Variants in IFNGR2 observed in about 807,000 individuals in gnomAD.
The protein encoded by IFNGR2 is interferon gamma receptor 2.
In IFNGR2, 15 loss-of-function variants were observed where a neutral mutation model predicts 41.1. The observed-to-expected ratio is 0.37, with a 90% CI of 0.24 to 0.56. IFNGR2 has a LOEUF of 0.56. IFNGR2 is among the 20% of genes least tolerant of loss of function. IFNGR2 has a pLI of 0.81. For synonymous variants in IFNGR2, 161 were observed against 171.6 expected (o/e 0.94, Z 0.48); for missense variants, 362 against 415.7 (o/e 0.87, Z 1.12).
chr21:33,424,042 T>C (rs1426927816), intron 3 of IFNGR2, among the ~76,000 whole-genome samples: 1 of 152,092 alleles, frequency 6.6e-6, no homozygotes, highest in Non-Finnish European at 1.5e-5. Context: ...GGCTCACCCC[T>C]GCAATCCCAG....
intron 1 of IFNGR2, among the ~76,000 whole-genome samples, chr21:33,410,166 A>ATTT (rs373991238): frequency 2.1e-4 from 29 of 137,180 alleles, no homozygotes; most frequent in African/African-American, 7.6e-4. Context: ...AATTACAATA[A>ATTT]TTTTTTTTTT....
In IFNGR2 at chr21:33,424,411, C is replaced by T. The variant is rs8128596; in HGVS notation, c.413-2473C>T. Reference sequence around the variant, plus strand: ...TCCGGTGCCAGCCAGCTGCCGCTTCCGGCCGGAGTCAAGCACCCATGTTTC... The same window carrying T: ...TCCGGTGCCAGCCAGCTGCCGCTTCTGGCCGGAGTCAAGCACCCATGTTTC... On this transcript the variant is annotated intron_variant, in intron 3 of 6. Coordinates refer to ENST00000290219, the MANE Select transcript of IFNGR2 (RefSeq NM_005534.4). 1.4e-3 allele frequency among the ~76,000 whole-genome samples: 214 copies of T among 152,290 alleles called. 1 individual carries two copies. The highest frequency in any genetic ancestry group is 4.8e-3 in the African/African-American group (201 of 41,570).
At chr21:33,409,192 G>C (rs1164454727) in intron 1 of IFNGR2, among the ~76,000 whole-genome samples, 1 of 151,272 alleles carries the variant, frequency 6.6e-6, no homozygotes, top group Non-Finnish European at 1.5e-5. Flanking sequence ...AAAGAGGCCG[G>C]GCTCAGTGGC....
intron 1 of IFNGR2, among the ~76,000 whole-genome samples, chr21:33,414,200 TG>T (rs1568952527): frequency 6.6e-6 from 1 of 152,146 alleles, no homozygotes; most frequent in Non-Finnish European, 1.5e-5. Context: ...GCAGATTTCC[TG>T]GGGGCCTCAG....
In IFNGR2 at chr21:33,416,983, C is replaced by T. The variant is rs182801159; in HGVS notation, c.206+1963C>T. On this transcript the variant is annotated intron_variant, in intron 2 of 6. Coordinates refer to ENST00000290219, the MANE Select transcript of IFNGR2 (RefSeq NM_005534.4). ...TCACCCAGGCTGAAATGCAGTGGCA[C>T]GATCTTGGCTCACTGGACCTCCGCC... is the stretch of plus-strand genomic sequence containing the variant. Among the ~76,000 whole-genome samples, 54 of 147,410 alleles carry T rather than the reference C, an allele frequency of 3.7e-4. 1 individual carries two copies. The East Asian group carries it at 9.8e-3, about 27-fold the overall frequency.
intron 1 of IFNGR2, 49 bp from the exon 2 acceptor site, chr21:33,414,839 C>CCT (rs756067269): frequency 3.8e-5 from 59 of 1,553,792 alleles, no homozygotes; most frequent in Non-Finnish European, 4.8e-5. Flanking sequence ...TAATTATTTC[C>CCT]CTCTCTCTCC....
At chr21:33,406,154 C>T (rs1284687677) in intron 1 of IFNGR2, among the ~76,000 whole-genome samples, 6 of 152,216 alleles carry the variant, frequency 3.9e-5, no homozygotes, top group Non-Finnish European at 1.5e-5. Flanking sequence ...GAGCAGATCA[C>T]CTGAGGTCAG....
At chr21:33,404,064 T>C (rs1196433446) in intron 1 of IFNGR2, among the ~76,000 whole-genome samples, 3 of 152,224 alleles carry the variant, frequency 2.0e-5, no homozygotes, top group Non-Finnish European at 4.4e-5. Flanking sequence ...GGCCCCAGTC[T>C]CCGAATTTCT....
intron 6 of IFNGR2, among the ~76,000 whole-genome samples, chr21:33,436,101 C>T (rs2409494): frequency 0.58 from 87,950 of 150,896 alleles, 27,585 homozygotes; most frequent in East Asian, 0.82. Context: ...CTCACACCTG[C>T]AATCCCAGCA....
At chr21:33,420,547 C>T (rs535375178) in intron 2 of IFNGR2, among the ~76,000 whole-genome samples, 3 of 152,148 alleles carry the variant, frequency 2.0e-5, no homozygotes, top group Non-Finnish European at 1.5e-5. Flanking sequence ...AAAGAAACTC[C>T]GCACCAGCAG....
chr21:33,431,045 G>A (rs924675758), intron 4 of IFNGR2, among the ~76,000 whole-genome samples: 5 of 152,160 alleles, frequency 3.3e-5, no homozygotes, highest in African/African-American at 1.2e-4. Context: ...AGGCAGCAAG[G>A]CCTGCTCAAG....
chr21:33,427,457 G>A (rs766866854), intron 4 of IFNGR2, among the ~76,000 whole-genome samples: 1 of 152,150 alleles, frequency 6.6e-6, no homozygotes, highest in Non-Finnish European at 1.5e-5. Context: ...GAAATCGGGG[G>A]GAAACAGAGG....
At chr21:33,407,847 C>CA (rs879840321) in intron 1 of IFNGR2, among the ~76,000 whole-genome samples, 36 of 48,698 alleles carry the variant, frequency 7.4e-4, no homozygotes, top group African/African-American at 2.4e-3. Context: ...CCCCACCGCA[C>CA]CCCCCCCCGC....
intron 4 of IFNGR2, 151 bp downstream of exon 4, chr21:33,427,183 C>T (rs2083846118): frequency 1.3e-6 from 1 of 754,388 alleles, no homozygotes; most frequent in East Asian, 2.5e-5. Flanking sequence ...TTTTCATTGT[C>T]CTCTTCAAGA....
At chr21:33,410,762 C>A in intron 1 of IFNGR2, 1 of 1,018,970 alleles carries the variant, frequency 9.8e-7, no homozygotes, top group Non-Finnish European at 1.5e-6. Context: ...GCCACCACGC[C>A]CATCCAATTA....
At chr21:33,408,130 T>C (rs759305256) in intron 1 of IFNGR2, among the ~76,000 whole-genome samples, 1 of 152,144 alleles carries the variant, frequency 6.6e-6, no homozygotes, top group Non-Finnish European at 1.5e-5. Context: ...TTATATTTTA[T>C]TTTATTATCT....
chr21:33,432,204 A>T lies in IFNGR2; in HGVS notation c.589A>T (p.Ile197Phe), dbSNP rs749339064. ...QVKGPFRSNS[I>F]SLDNLKPSRV... ...CAAAGGCCCTTTCAGAAGCAACTCCATTTCATTGGATAACTTAAAACCCTC... is the reference window on the plus strand; with the variant it reads ...CAAAGGCCCTTTCAGAAGCAACTCCTTTTCATTGGATAACTTAAAACCCTC... The change falls in exon 5 of 7, where the codon ATT becomes TTT. Residue 197 changes from isoleucine (I) to phenylalanine (F), a missense_variant. Physicochemically the swap from Ile to Phe is conservative, Grantham distance 21 (BLOSUM62 0). Transcript: ENST00000290219. 52 of 1,614,050 alleles carry T rather than the reference A, an allele frequency of 3.2e-5. No homozygotes were observed. Among genetic ancestry groups the T allele is most frequent in the Non-Finnish European group, 4.2e-5 (49 of 1,180,000 alleles).
upstream of IFNGR2, chr21:33,403,357 G>C (rs2083654095): frequency 5.4e-6 from 1 of 184,754 alleles, no homozygotes; most frequent in Non-Finnish European, 1.1e-5. Context: ...GCGGGACGGG[G>C]CGGGGGCGGG....
At chr21:33,411,611 G>A in intron 1 of IFNGR2, 1 of 436,608 alleles carries the variant, frequency 2.3e-6, no homozygotes. Flanking sequence ...AGATTGTCTT[G>A]CATTGTTGGG....
Sources: gnomAD v4.1 joint callset for allele counts (sites outside exome capture counted in the v4.1 genomes callset) on GRCh38, gnomAD v4.1.1 for gene constraint, MANE v1.5 for transcripts, NCBI Gene and HGNC (gene_info 2026-07-23, HGNC 2026-07-21) for gene names.